TENM3: variants seen among roughly 807,000 people sequenced by gnomAD.
TENM3 encodes the protein teneurin-3.
In TENM3, 63 loss-of-function variants were observed where a neutral mutation model predicts 255.1. The observed-to-expected ratio is 0.25, with a 90% CI of 0.20 to 0.30. The LOEUF is 0.30. Among genes scored for constraint, TENM3 ranks in the 10% least tolerant of loss-of-function variants. The probability of loss-of-function intolerance (pLI) is 1.00; values close to 1 mark genes in which losing one functional copy is unlikely to be tolerated. For missense variants in TENM3, 2,929 were observed against 3,461.1 expected (o/e 0.85, Z 3.86); for synonymous variants, 1,306 against 1,322.3 (o/e 0.99, Z 0.27).
chr4:182,094,305 G>A, the TENM3 span, among the ~76,000 whole-genome samples: 1 of 151,826 alleles, frequency 6.6e-6, no homozygotes, highest in Admixed American at 6.6e-5. Context: ...GAGTGCAGTG[G>A]TGCCATCTCA....
At chr4:182,398,851 A>T (rs965454964) in intron 3 of TENM3, among the ~76,000 whole-genome samples, 1 of 152,238 alleles carries the variant, frequency 6.6e-6, no homozygotes, top group Non-Finnish European at 1.5e-5. Flanking sequence ...TTCTACGCGA[A>T]TAAGTCAGAA....
chr4:182,756,318 C>T (rs1021553021), intron 22 of TENM3, among the ~76,000 whole-genome samples: 1 of 152,062 alleles, frequency 6.6e-6, no homozygotes, highest in African/African-American at 2.4e-5. Context: ...CAGGGTGTTC[C>T]AAGAGATAGC....
At chr4:182,774,861 C>T (rs1764549551) in intron 23 of TENM3, 57 bp from the exon 24 acceptor site, 10 of 1,292,104 alleles carry the variant, frequency 7.7e-6, no homozygotes, top group South Asian at 2.6e-5. Flanking sequence ...ACGGCACAAC[C>T]GGCCAAGTAT....
chr4:182,480,659 CA>C (rs1561492046), intron 3 of TENM3, among the ~76,000 whole-genome samples: 1 of 151,910 alleles, frequency 6.6e-6, no homozygotes, highest in African/African-American at 2.4e-5. Flanking sequence ...TCTTTGAAAA[CA>C]GTACTATTTA....
the TENM3 span, among the ~76,000 whole-genome samples, chr4:181,585,797 C>A: frequency 9.9e-5 from 15 of 152,104 alleles, no homozygotes; most frequent in African/African-American, 3.4e-4. Context: ...TATTTCACTT[C>A]TTTATATATT....
intron 1 of TENM3, among the ~76,000 whole-genome samples, chr4:182,163,719 C>T (rs967927999): frequency 6.6e-6 from 1 of 152,120 alleles, no homozygotes; most frequent in African/African-American, 2.4e-5. Flanking sequence ...TGTAGCCCTC[C>T]CAGAGTCTAC....
At chr4:181,987,354 TGAGA>T in the TENM3 span, among the ~76,000 whole-genome samples, 1 of 152,126 alleles carries the variant, frequency 6.6e-6, no homozygotes, top group Non-Finnish European at 1.5e-5. Context: ...ACGGAGCCCC[TGAGA>T]GAGATAAAAG....
At chr4:181,915,253 A>G in the TENM3 span, among the ~76,000 whole-genome samples, 11 of 152,322 alleles carry the variant, frequency 7.2e-5, no homozygotes, top group Admixed American at 2.0e-4. Context: ...GGGCTGAGAA[A>G]GAAAAGGCTA....
At chr4:182,354,114 G>A (rs1008849825) in intron 3 of TENM3, among the ~76,000 whole-genome samples, 4 of 152,122 alleles carry the variant, frequency 2.6e-5, no homozygotes, top group Non-Finnish European at 4.4e-5. Context: ...TGTTCTAAGA[G>A]GATTTTCAGA....
the TENM3 span, among the ~76,000 whole-genome samples, chr4:181,456,280 T>C: frequency 6.6e-6 from 1 of 151,810 alleles, no homozygotes; most frequent in Non-Finnish European, 1.5e-5. Context: ...GCCAATATTC[T>C]GATCCCTGAT....
chr4:181,487,412 T>C, the TENM3 span, among the ~76,000 whole-genome samples: 2 of 152,190 alleles, frequency 1.3e-5, no homozygotes, highest in Admixed American at 1.3e-4. Flanking sequence ...CTCACAGTTC[T>C]GGAGGCAGGG....
At chr4:181,929,909 A>G in the TENM3 span, among the ~76,000 whole-genome samples, 12 of 152,226 alleles carry the variant, frequency 7.9e-5, no homozygotes, top group Non-Finnish European at 1.6e-4. Flanking sequence ...AAACTGAACA[A>G]TCTGCTCCAG....
chr4:182,063,781 A>T, the TENM3 span, among the ~76,000 whole-genome samples: 2 of 152,320 alleles, frequency 1.3e-5, no homozygotes, highest in Admixed American at 1.3e-4. Context: ...TAGTGTGAGG[A>T]TTAGAACTAT....
chr4:182,119,115 G>A, the TENM3 span, among the ~76,000 whole-genome samples: 2 of 152,108 alleles, frequency 1.3e-5, no homozygotes, highest in Non-Finnish European at 1.5e-5. Context: ...GGGAGAGAAT[G>A]GCTGGAAGGG....
At chr4:182,550,235 T>TGTAC (rs1337914379) in intron 3 of TENM3, among the ~76,000 whole-genome samples, 1 of 152,226 alleles carries the variant, frequency 6.6e-6, no homozygotes, top group African/African-American at 2.4e-5. Flanking sequence ...TATGTATGTA[T>TGTAC]GTACGTTGAT....
chr4:181,575,210 A>T, the TENM3 span, among the ~76,000 whole-genome samples: 1 of 151,928 alleles, frequency 6.6e-6, no homozygotes, highest in Non-Finnish European at 1.5e-5. Context: ...TTTCTTCTTA[A>T]TTTAGGAAAT....
intron 12 of TENM3, among the ~76,000 whole-genome samples, chr4:182,699,841 C>A (rs1579155605): frequency 6.6e-6 from 1 of 152,010 alleles, no homozygotes; most frequent in East Asian, 1.9e-4. Flanking sequence ...CTTTTAAAAA[C>A]CATCTAAGAT....
intron 1 of TENM3, among the ~76,000 whole-genome samples, chr4:182,210,430 G>T (rs1754936412): frequency 6.6e-6 from 1 of 151,896 alleles, no homozygotes; most frequent in African/African-American, 2.4e-5. Flanking sequence ...CTCACTTTCT[G>T]TCCAGTATCT....
chr4:182,418,760 G>T (rs934234957), intron 3 of TENM3, among the ~76,000 whole-genome samples: 4 of 151,956 alleles, frequency 2.6e-5, no homozygotes, highest in Non-Finnish European at 4.4e-5. Flanking sequence ...ACAGTGTTTC[G>T]CCATGTTGCC....
Sources: allele counts gnomAD v4.1 joint callset (sites outside exome capture counted in the v4.1 genomes callset), GRCh38; gene constraint gnomAD v4.1.1; transcripts MANE v1.5; gene names NCBI Gene and HGNC (gene_info 2026-07-23, HGNC 2026-07-21).